Variants in VEPH1 observed in about 807,000 individuals in gnomAD.
VEPH1 encodes ventricular zone expressed PH domain containing 1, also known as ventricular zone-expressed PH domain-containing protein homolog 1.
In VEPH1, 80 loss-of-function variants were observed where a neutral mutation model predicts 85.2. That is an observed-to-expected ratio of 0.94 (90% CI 0.78 to 1.13). The LOEUF (loss-of-function observed/expected upper bound fraction) is 1.13. VEPH1 is among the 50% of genes most tolerant of loss of function. The probability of loss-of-function intolerance (pLI) is 0.00; values close to 1 mark genes in which losing one functional copy is unlikely to be tolerated. For synonymous variants in VEPH1, 297 were observed against 348.0 expected, an observed-to-expected ratio of 0.85 and a Z score of 1.63; for missense variants, 955 against 980.5, an observed-to-expected ratio of 0.97 and a Z score of 0.35.
In VEPH1 at chr3:157,286,406, C is replaced by A. The variant is rs1577240978; in HGVS notation, c.2128+151G>T. Reference sequence around the variant, plus strand: ...TTCCTACGACCACTTTGGTGAGACGCCTTTCTCAGCACAAAGCAGGGACAT... The same window carrying A: ...TTCCTACGACCACTTTGGTGAGACGACTTTCTCAGCACAAAGCAGGGACAT... On this transcript the variant is annotated intron_variant, in intron 12 of 13. Coordinates refer to ENST00000362010, the MANE Select transcript of VEPH1 (RefSeq NM_001167912.2). 4.3e-6 allele frequency: 3 copies of A among 690,192 alleles called. No individual in the cohort carries two copies. In the East Asian group the frequency reaches 7.7e-5, roughly 18 times the overall value. 42.8% of individuals were successfully genotyped at this position (690,192 alleles called of 1,614,324 possible). A position where few individuals can be genotyped will look rare whatever the true frequency, so the allele number is the denominator to read the frequency against.
At chr3:157,266,604 T>G (rs1713683229) in intron 12 of VEPH1, among the ~76,000 whole-genome samples, 1 of 152,198 alleles carries the variant, frequency 6.6e-6, no homozygotes, top group African/African-American at 2.4e-5. Context: ...GCCTGGCAAA[T>G]AGTAGGAAGT....
chr3:157,286,907 C>A lies in VEPH1; in HGVS notation c.2011-233G>T, dbSNP rs539444357. On this transcript the variant is annotated intron_variant, in intron 11 of 13. Transcript: ENST00000362010. ...GCGGGAGCGAGCACAGGCCCCAGGG[C>A]TGAGTGTCAGGGTTGAGGTGTCAGA... 4.7e-4 allele frequency among the ~76,000 whole-genome samples: 72 copies of A among 152,292 alleles called. 1 individual carries two copies. The highest frequency in any genetic ancestry group is 4.1e-4 in the South Asian group (2 of 4,834).
chr3:157,479,465 C>G (rs1394552201), intron 2 of VEPH1, among the ~76,000 whole-genome samples: 1 of 152,190 alleles, frequency 6.6e-6, no homozygotes, highest in Admixed American at 6.5e-5. Flanking sequence ...TTATGTCACT[C>G]TTACCTACTC....
intron 10 of VEPH1, chr3:157,316,155 G>C (rs551824600): frequency 6.6e-6 from 1 of 151,704 alleles, no homozygotes; most frequent in South Asian, 2.1e-4. Context: ...CAATAAGCTT[G>C]ACTTTATCTT....
intron 5 of VEPH1, among the ~76,000 whole-genome samples, chr3:157,416,876 CAGACAGAA>C (rs1424717775): frequency 2.0e-5 from 3 of 148,128 alleles, no homozygotes; most frequent in South Asian, 4.4e-4. Flanking sequence ...GAAAGACAGA[CAGACAGAA>C]AGAAAGAAAG....
At chr3:157,489,013 G>A in intron 2 of VEPH1, 1 of 386,170 alleles carries the variant, frequency 2.6e-6, no homozygotes, top group South Asian at 1.8e-5. Context: ...AATCCTGTTG[G>A]TCCTATCTTC....
chr3:157,308,794 GCT>G (rs887803872), intron 11 of VEPH1, among the ~76,000 whole-genome samples: 2 of 151,906 alleles, frequency 1.3e-5, no homozygotes, highest in Non-Finnish European at 2.9e-5. Flanking sequence ...TCTCTCCATT[GCT>G]CTGTGACTTT....
At position 157,487,755 on chromosome 3, in the gene VEPH1, T is replaced by C. The variant is rs181531954; in HGVS notation, c.138+7457A>G. Among the ~76,000 whole-genome samples the C allele has an allele frequency of 3.9e-3, 589 of 152,238 alleles. 2 individuals carry two copies. Among genetic ancestry groups the C allele is most frequent in the African/African-American group, 0.013 (554 of 41,546 alleles). ...CAGGAATACAATAATGGTTCTATAT[T>C]TGAAAAATCTATTACTGTAATTCAC... On this transcript the variant is annotated intron_variant, in intron 2 of 13. Coordinates refer to ENST00000362010, the MANE Select transcript of VEPH1 (RefSeq NM_001167912.2).
intron 11 of VEPH1, among the ~76,000 whole-genome samples, chr3:157,298,879 A>C (rs1718431661): frequency 6.6e-6 from 1 of 152,224 alleles, no homozygotes; most frequent in Admixed American, 6.5e-5. Context: ...CATTTTTCCA[A>C]TCCACATGCA....
chr3:157,317,018 C>T, intron 10 of VEPH1, 44 bp downstream of exon 10: 9 of 1,580,056 alleles, frequency 5.7e-6, no homozygotes, highest in Non-Finnish European at 7.7e-6. Flanking sequence ...AGCCCATATC[C>T]CAGAAGCTCA....
At chr3:157,313,523 G>A (rs1462445246) in intron 11 of VEPH1, 98 bp downstream of exon 11, 4 of 1,381,578 alleles carry the variant, frequency 2.9e-6, no homozygotes, top group Non-Finnish European at 3.9e-6. Context: ...AAAGGTAAAC[G>A]AAAGAAGGAT....
chr3:157,263,292 A>G (rs754432096), intron 13 of VEPH1, among the ~76,000 whole-genome samples: 1 of 152,180 alleles, frequency 6.6e-6, no homozygotes, highest in Non-Finnish European at 1.5e-5. Context: ...TGTCAGAGTT[A>G]TGGAATGTCA....
intron 4 of VEPH1, among the ~76,000 whole-genome samples, chr3:157,435,243 C>A (rs909024933): frequency 2.6e-5 from 4 of 152,114 alleles, no homozygotes; most frequent in Non-Finnish European, 4.4e-5. Flanking sequence ...CAACTAAATG[C>A]AGTTCTTGGG....
At chr3:157,398,935 C>G (rs1730623452) in intron 6 of VEPH1, among the ~76,000 whole-genome samples, 1 of 152,108 alleles carries the variant, frequency 6.6e-6, no homozygotes, top group Non-Finnish European at 1.5e-5. Context: ...CAATACTTTA[C>G]CAGCCATCTA....
chr3:157,436,926 C>T, intron 4 of VEPH1: 1 of 1,612,822 alleles, frequency 6.2e-7, no homozygotes, highest in Non-Finnish European at 8.5e-7. Context: ...CTTTGCGTCT[C>T]TCCAGCAATG....
intron 11 of VEPH1, among the ~76,000 whole-genome samples, chr3:157,304,999 A>G (rs1354393516): frequency 6.8e-6 from 1 of 147,724 alleles, no homozygotes; most frequent in Non-Finnish European, 1.5e-5. Context: ...CTCAGCAGAG[A>G]GAGCCAGGAA....
intron 12 of VEPH1, among the ~76,000 whole-genome samples, chr3:157,273,451 A>G (rs528108741): frequency 2.0e-5 from 3 of 152,358 alleles, no homozygotes; most frequent in African/African-American, 2.4e-5. Context: ...AAAGCTTGCT[A>G]GAGTAGATGC....
At chr3:157,352,357 T>C (rs1724958158) in intron 9 of VEPH1, among the ~76,000 whole-genome samples, 2 of 152,248 alleles carry the variant, frequency 1.3e-5, no homozygotes, top group South Asian at 4.1e-4. Context: ...TATATTTTTA[T>C]AGGCTGCTTC....
chr3:157,474,191 T>C (rs1380989007), intron 2 of VEPH1, among the ~76,000 whole-genome samples: 1 of 152,174 alleles, frequency 6.6e-6, no homozygotes, highest in African/African-American at 2.4e-5. Flanking sequence ...TAACATTTCC[T>C]GCAACTAATG....
Sources: allele counts gnomAD v4.1 joint callset (sites outside exome capture counted in the v4.1 genomes callset), GRCh38; gene constraint gnomAD v4.1.1; transcripts MANE v1.5; gene names NCBI Gene and HGNC (gene_info 2026-07-23, HGNC 2026-07-21).